FKBP6: variants seen among roughly 807,000 people sequenced by gnomAD.
The protein encoded by FKBP6 is inactive peptidyl-prolyl cis-trans isomerase FKBP6.
Under a neutral mutation model 41.7 loss-of-function variants are expected in FKBP6, and 29 were observed. That is an observed-to-expected ratio of 0.70 (90% CI 0.52 to 0.95). The LOEUF is 0.95. Among genes scored for constraint, FKBP6 ranks in the 40% least tolerant of loss-of-function variants. The pLI, the probability that FKBP6 is intolerant of heterozygous loss-of-function variation, is 0.00. For synonymous variants in FKBP6, 130 were observed against 165.1 expected, an observed-to-expected ratio of 0.79 and a Z score of 1.63; for missense variants, 338 against 408.7, an observed-to-expected ratio of 0.83 and a Z score of 1.49.
At chr7:73,355,100 T>C (rs1554551734) in intron 8 of FKBP6, among the ~76,000 whole-genome samples, 1 of 152,224 alleles carries the variant, frequency 6.6e-6, no homozygotes, top group African/African-American at 2.4e-5. Flanking sequence ...TGGACACCAC[T>C]GGCATTGCTG....
chr7:73,345,516 G>T (rs1428877080), intron 8 of FKBP6, among the ~76,000 whole-genome samples: 1 of 152,144 alleles, frequency 6.6e-6, no homozygotes, highest in Non-Finnish European at 1.5e-5. Flanking sequence ...GGCCTGGTTG[G>T]GGGTATGTAG....
rs368227645 is a variant in FKBP6, at chr7:73,340,917, C to CTT, written c.783+108_783+109dup. The CTT allele has an allele frequency of 7.3e-3, 3,458 of 475,088 alleles. 4 individuals carry two copies. Among genetic ancestry groups the CTT allele is most frequent in the African/African-American group, 0.013 (513 of 39,148 alleles). 29.4% of individuals were successfully genotyped at this position (475,088 alleles called of 1,614,324 possible). On this transcript the variant is annotated intron_variant, in intron 6 of 8. Coordinates refer to ENST00000252037, the MANE Select transcript of FKBP6 (RefSeq NM_003602.5). ...AACTCAGCTACTGCAAAAATGCTGT[C>CTT]TTTTTTTTTTTTTTTTTTTTTTTTA...
chr7:73,351,273 A>G (rs1165000162), intron 8 of FKBP6, among the ~76,000 whole-genome samples: 1 of 152,084 alleles, frequency 6.6e-6, no homozygotes, highest in Admixed American at 6.5e-5. Context: ...CAAGTGATTC[A>G]TCCGCCTCAG....
intron 5 of FKBP6, among the ~76,000 whole-genome samples, chr7:73,332,236 C>T (rs1804868995): frequency 6.6e-6 from 1 of 152,070 alleles, no homozygotes; most frequent in African/African-American, 2.4e-5. Flanking sequence ...TTAAAAAAAT[C>T]CTCATGCCAG....
chr7:73,329,181 C>T (rs1563309047), intron 2 of FKBP6, among the ~76,000 whole-genome samples, 179 bp from the exon 3 acceptor site: 1 of 152,156 alleles, frequency 6.6e-6, no homozygotes. Flanking sequence ...GCTCTTGAAC[C>T]TCTGAGCCAA....
chr7:73,343,991 C>T (rs1286301224), intron 8 of FKBP6, among the ~76,000 whole-genome samples: 1 of 152,184 alleles, frequency 6.6e-6, no homozygotes, highest in Non-Finnish European at 1.5e-5. Context: ...CTTTCAGATG[C>T]GCCCACCAGC....
At chr7:73,330,068 C>G (rs1185870227) in intron 3 of FKBP6, 82 bp from the exon 4 acceptor site, 3 of 1,017,028 alleles carry the variant, frequency 2.9e-6, no homozygotes, top group Middle Eastern at 2.1e-4. Context: ...CAGAGTACTG[C>G]TGACTTAGAG....
chr7:73,343,956 G>A lies in FKBP6; in HGVS notation c.*2+1057G>A, dbSNP rs554286699. On this transcript the variant is annotated intron_variant, in intron 8 of 8. Coordinates refer to ENST00000252037, the MANE Select transcript of FKBP6 (RefSeq NM_003602.5). ...TATTCATCCCCGACATTTTCATAGC[G>A]GTCCATAAACTGCTGCTATCTGCAC... Among the ~76,000 whole-genome samples the A allele has an allele frequency of 1.1e-4, 16 of 152,284 alleles. No individual in the cohort carries two copies. The East Asian group carries it at 2.1e-3, about 20-fold the overall frequency.
At chr7:73,344,913 A>C (rs1270698316) in intron 8 of FKBP6, among the ~76,000 whole-genome samples, 1 of 152,134 alleles carries the variant, frequency 6.6e-6, no homozygotes, top group Non-Finnish European at 1.5e-5. Context: ...TGTTCTTTTC[A>C]TCTTAGATGT....
chr7:73,349,609 G>A (rs1805433062), intron 8 of FKBP6, among the ~76,000 whole-genome samples: 1 of 150,090 alleles, frequency 6.7e-6, no homozygotes, highest in Non-Finnish European at 1.5e-5. Context: ...AGCTACTTGG[G>A]AGGCTGAGGC....
At chr7:73,329,220 G>A (rs1249656805) in intron 2 of FKBP6, 140 bp from the exon 3 acceptor site, 1 of 764,124 alleles carries the variant, frequency 1.3e-6, no homozygotes, top group African/African-American at 1.7e-5. Context: ...GCAGAGAGAA[G>A]ATTTATTCCT....
chr7:73,338,410 C>T (rs1042944417), intron 5 of FKBP6, among the ~76,000 whole-genome samples: 1 of 152,340 alleles, frequency 6.6e-6, no homozygotes, highest in South Asian at 2.1e-4. Flanking sequence ...GGGTTGTTTC[C>T]ACTTCGTGAT....
chr7:73,341,167 G>A (rs555092065), intron 6 of FKBP6, 106 bp from the exon 7 acceptor site: 6 of 837,170 alleles, frequency 7.2e-6, no homozygotes, highest in East Asian at 2.4e-5. Context: ...CAGTTGATCC[G>A]CCCGCCTTGG....
intron 8 of FKBP6, among the ~76,000 whole-genome samples, chr7:73,346,249 C>G (rs546005873): frequency 6.6e-6 from 1 of 152,282 alleles, no homozygotes; most frequent in Non-Finnish European, 1.5e-5. Context: ...CCCGCGTGGC[C>G]CGCCTTCACA....
At chr7:73,345,519 G>T (rs1421444627) in intron 8 of FKBP6, among the ~76,000 whole-genome samples, 1 of 152,168 alleles carries the variant, frequency 6.6e-6, no homozygotes, top group Non-Finnish European at 1.5e-5. Flanking sequence ...CTGGTTGGGG[G>T]TATGTAGAAC....
chr7:73,339,613 T>TA (rs2115886116), intron 5 of FKBP6, among the ~76,000 whole-genome samples: 1 of 137,734 alleles, frequency 7.3e-6, no homozygotes, highest in African/African-American at 2.7e-5. Context: ...CATGTGACTC[T>TA]TTTTTTTTTT....
chr7:73,348,265 C>G (rs529572719), intron 8 of FKBP6, among the ~76,000 whole-genome samples: 1 of 152,196 alleles, frequency 6.6e-6, no homozygotes, highest in Non-Finnish European at 1.5e-5. Flanking sequence ...AAGAGCTCTT[C>G]TCAGATTTGT....
At chr7:73,346,690 A>G (rs1554550325) in intron 8 of FKBP6, among the ~76,000 whole-genome samples, 1 of 152,168 alleles carries the variant, frequency 6.6e-6, no homozygotes, top group East Asian at 1.9e-4. Flanking sequence ...GTGTCTGAGT[A>G]AGAGGTGATG....
At chr7:73,348,293 A>G (rs142800140) in intron 8 of FKBP6, among the ~76,000 whole-genome samples, 21 of 152,148 alleles carry the variant, frequency 1.4e-4, no homozygotes, top group African/African-American at 4.8e-4. Flanking sequence ...ATAATGCCAC[A>G]CCTTTCCCCC....
Sources: allele counts gnomAD v4.1 joint callset (sites outside exome capture counted in the v4.1 genomes callset), GRCh38; gene constraint gnomAD v4.1.1; transcripts MANE v1.5; gene names NCBI Gene and HGNC (gene_info 2026-07-23, HGNC 2026-07-21).